The following GTF2A1L variants were observed in gnomAD, a reference collection of about 807,000 sequenced individuals.
The protein encoded by GTF2A1L is general transcription factor IIA subunit 1 like.
A neutral mutation model predicts 49.7 loss-of-function variants in GTF2A1L; 48 were observed. The ratio of observed to expected loss-of-function variants is 0.97; its 90% CI spans 0.77 to 1.23. The LOEUF (loss-of-function observed/expected upper bound fraction) is 1.23, where lower values mean the gene tolerates loss of function less well. GTF2A1L is among the 50% of genes most tolerant of loss of function. The probability of loss-of-function intolerance (pLI) is 0.00; values close to 1 mark genes in which losing one functional copy is unlikely to be tolerated. For missense variants in GTF2A1L, 736 were observed against 564.8 expected, an observed-to-expected ratio of 1.30 and a Z score of -3.07; for synonymous variants, 246 against 193.5, an observed-to-expected ratio of 1.27 and a Z score of -2.25.
intron 6 of GTF2A1L, among the ~76,000 whole-genome samples, chr2:48,665,402 G>A (rs1233060247): frequency 6.6e-6 from 1 of 150,662 alleles, no homozygotes; most frequent in African/African-American, 2.4e-5. Context: ...GTTTCTTAAG[G>A]TGGGATATTA....
chr2:48,623,404 T>C (rs1039999452), intron 3 of GTF2A1L, among the ~76,000 whole-genome samples: 2 of 152,206 alleles, frequency 1.3e-5, no homozygotes, highest in Non-Finnish European at 2.9e-5. Flanking sequence ...TCAGAATGGC[T>C]ATTATTAAAA....
chr2:48,672,377 C>G (rs13024367), intron 8 of GTF2A1L, among the ~76,000 whole-genome samples: 25,268 of 152,042 alleles, frequency 0.17, 2,616 homozygotes, highest in South Asian at 0.24. Flanking sequence ...ATCCTGAATG[C>G]TAGTAGGAAA....
chr2:48,642,577 G>A (rs578237368), intron 4 of GTF2A1L, 120 bp downstream of exon 4: 22 of 940,042 alleles, frequency 2.3e-5, no homozygotes, highest in Non-Finnish European at 3.2e-5. Context: ...AGATGTGGCC[G>A]GGCGCGGTGG....
chr2:48,667,031 A>C (rs1010432746), intron 6 of GTF2A1L, among the ~76,000 whole-genome samples: 2 of 151,952 alleles, frequency 1.3e-5, no homozygotes, highest in Non-Finnish European at 2.9e-5. Context: ...TGGTGCAATC[A>C]CAGCTCACTG....
At chr2:48,632,202 G>A (rs1418222260) in intron 3 of GTF2A1L, 1 of 152,124 alleles carries the variant, frequency 6.6e-6, no homozygotes, top group Non-Finnish European at 1.5e-5. Flanking sequence ...AGTCCCAGAA[G>A]TAATTCCCTC....
chr2:48,676,162 C>T (rs957324754), intron 8 of GTF2A1L, among the ~76,000 whole-genome samples: 1 of 151,794 alleles, frequency 6.6e-6, no homozygotes, highest in Non-Finnish European at 1.5e-5. Flanking sequence ...AACAACGTAT[C>T]TGTCAGATCT....
intron 8 of GTF2A1L, among the ~76,000 whole-genome samples, chr2:48,673,359 CTTT>C (rs34493140): frequency 0.18 from 19,689 of 109,556 alleles, 1,241 homozygotes; most frequent in South Asian, 0.25. Context: ...ACACAGGAAA[CTTT>C]TTTTTTTTTT....
At chr2:48,641,313 A>AT (rs2104168632) in intron 3 of GTF2A1L, among the ~76,000 whole-genome samples, 1 of 152,298 alleles carries the variant, frequency 6.6e-6, no homozygotes, top group African/African-American at 2.4e-5. Flanking sequence ...GATAAAAATA[A>AT]TTCTGTGCTT....
chr2:48,621,290 G>C lies in GTF2A1L; in HGVS notation c.247G>C (p.Ala83Pro). 6.2e-7 allele frequency: 1 copy of C among 1,613,994 alleles called. No homozygotes were observed. The highest frequency in any genetic ancestry group is 8.5e-7 in the Non-Finnish European group (1 of 1,179,994). ...GCACCAAACATTGCAATCGTCAACA[G>C]GTTGGATACCATTAGTAAATGAGTA... ...SLHQTLQSST[A>P]SLVIPAGRTL... The change falls in exon 3 of 9, where the codon GCA (alanine) becomes CCA (proline). Residue 83 changes from alanine (A) to proline (P), a missense_variant and splice_region_variant. Transcript: ENST00000403751.
At chr2:48,679,073 T>C (rs1444023012) in intron 8 of GTF2A1L, among the ~76,000 whole-genome samples, 1 of 151,928 alleles carries the variant, frequency 6.6e-6, no homozygotes, top group African/African-American at 2.4e-5. Flanking sequence ...TGGTTTTACA[T>C]ATACAGGATG....
intron 4 of GTF2A1L, 95 bp downstream of exon 4, chr2:48,642,552 C>A: frequency 8.2e-7 from 1 of 1,221,288 alleles, no homozygotes; most frequent in South Asian, 1.9e-5. Flanking sequence ...TCTTACCCTC[C>A]AGTTGAAAGT....
chr2:48,624,660 T>A (rs1676203580), intron 3 of GTF2A1L, among the ~76,000 whole-genome samples: 1 of 144,130 alleles, frequency 6.9e-6, no homozygotes, highest in African/African-American at 2.5e-5. Context: ...GACTTATTGA[T>A]CCTATGTATC....
rs772700094 is a variant in GTF2A1L at position 48,646,875 on chromosome 2, G to A, written c.811G>A (p.Ala271Thr). Residue 271 changes from alanine (A) to threonine (T), a missense_variant, in exon 6 of 9, where the codon GCT (alanine) becomes ACT (threonine). Transcript: ENST00000403751. ...ESVLSGSASM[A>T]QNLHDESLST... The stretch of plus-strand genomic sequence containing the variant: ...AGTGCTCAGTGGTTCAGCTAGCATG[G>A]CTCAAAATCTGCATGATGAGTCCCT... 1 of 1,614,146 alleles carries A rather than the reference G, an allele frequency of 6.2e-7. No homozygotes were observed. Among genetic ancestry groups the A allele is most frequent in the Non-Finnish European group, 8.5e-7 (1 of 1,180,012 alleles).
rs890889303 is a variant in GTF2A1L, at chr2:48,626,229, T to C, written c.247+4939T>C. Among the ~76,000 whole-genome samples, 4 of 144,184 alleles carry C rather than the reference T, an allele frequency of 2.8e-5. 1 individual carries two copies. Among genetic ancestry groups the C allele is most frequent in the African/African-American group, 4.9e-5 (2 of 40,542 alleles). The allele number at this position is 144,184 out of a possible 152,430, so 94.6% of individuals were successfully genotyped here. A position where few individuals can be genotyped will look rare whatever the true frequency, so the allele number is the denominator to read the frequency against. ...CTCTCTATACTGTTCTGCTGGTCTT[T>C]GTGTCTGTTTTTGTCAGTGCCATAC... On this transcript the variant is annotated intron_variant, in intron 3 of 8. Coordinates refer to ENST00000403751, the MANE Select transcript of GTF2A1L (RefSeq NM_006872.5).
At chr2:48,646,156 T>C (rs774595173) in intron 5 of GTF2A1L, among the ~76,000 whole-genome samples, 7 of 152,064 alleles carry the variant, frequency 4.6e-5, no homozygotes, top group Admixed American at 1.3e-4. Flanking sequence ...AAGAGGTTCA[T>C]GGATTAAATA....
intron 6 of GTF2A1L, among the ~76,000 whole-genome samples, chr2:48,650,910 G>A (rs929535619): frequency 6.6e-6 from 1 of 152,092 alleles, no homozygotes; most frequent in African/African-American, 2.4e-5. Flanking sequence ...TATAGTTTAC[G>A]TTGAAAATGT....
At chr2:48,665,429 C>G (rs933118740) in intron 6 of GTF2A1L, among the ~76,000 whole-genome samples, 4 of 151,522 alleles carry the variant, frequency 2.6e-5, no homozygotes, top group Non-Finnish European at 5.9e-5. Context: ...TGATTTGAGA[C>G]GTACTTATTT....
intron 3 of GTF2A1L, chr2:48,632,250 T>G (rs1004916961): frequency 1.3e-5 from 2 of 152,200 alleles, no homozygotes; most frequent in African/African-American, 2.4e-5. Context: ...TTCATCCTAG[T>G]AGTGGCTTAC....
At chr2:48,636,293 A>G (rs1224701625) in intron 3 of GTF2A1L, among the ~76,000 whole-genome samples, 2 of 152,252 alleles carry the variant, frequency 1.3e-5, no homozygotes, top group Non-Finnish European at 2.9e-5. Flanking sequence ...GAAATGCTTT[A>G]TCCTTCTATT....
Sources: gnomAD v4.1 joint callset for allele counts (sites outside exome capture counted in the v4.1 genomes callset) on GRCh38, gnomAD v4.1.1 for gene constraint, MANE v1.5 for transcripts, NCBI Gene and HGNC (gene_info 2026-07-23, HGNC 2026-07-21) for gene names.